Variants in GSG1L2 observed in about 807,000 individuals in gnomAD.
The protein encoded by GSG1L2 is germ cell-specific gene 1-like protein 2.
In GSG1L2, 15 loss-of-function variants were observed where a neutral mutation model predicts 9.0. That is an observed-to-expected ratio of 1.67 (90% CI 1.12 to 2.57). The LOEUF is 2.57. GSG1L2 is among the 30% of genes most tolerant of loss of function. The pLI is 0.00. For synonymous variants in GSG1L2, 127 were observed against 57.9 expected (o/e 2.19, Z -5.41); for missense variants, 286 against 150.3 (o/e 1.90, Z -4.72).
At chr17:9,817,612 A>G (rs2066572963) in intron 1 of GSG1L2, among the ~76,000 whole-genome samples, 2 of 152,042 alleles carry the variant, frequency 1.3e-5, no homozygotes, top group Admixed American at 6.6e-5. Flanking sequence ...TTTAGTAGAC[A>G]TGGGGTTTCA....
intron 4 of GSG1L2, chr17:9,804,817 G>C (rs1230291554): frequency 6.6e-6 from 1 of 152,184 alleles, no homozygotes; most frequent in African/African-American, 2.4e-5. Context: ...CAACAAAGCA[G>C]GGAGGGGAAA....
rs2066498733 is a variant in GSG1L2 at position 9,802,083 on chromosome 17, A to G, written c.*303T>C. 6.6e-6 allele frequency among the ~76,000 whole-genome samples: 1 copy of G among 152,208 alleles called. No individual in the cohort carries two copies. Among genetic ancestry groups the G allele is most frequent in the Non-Finnish European group, 1.5e-5 (1 of 68,042 alleles). ...CAACTTCTCTTCCCTTAGTACTGGCATCCTCCCTGTTTCTTTGGTATCCTT... is the reference window on the plus strand; with the variant it reads ...CAACTTCTCTTCCCTTAGTACTGGCGTCCTCCCTGTTTCTTTGGTATCCTT... On this transcript the variant is annotated 3_prime_UTR_variant, in exon 5 of 5. Transcript: ENST00000399363.
chr17:9,814,818 C>T (rs2066553376), intron 1 of GSG1L2, among the ~76,000 whole-genome samples: 1 of 152,182 alleles, frequency 6.6e-6, no homozygotes, highest in Non-Finnish European at 1.5e-5. Flanking sequence ...TCTCCGCCGG[C>T]CCCCACTCCG....
intron 4 of GSG1L2, chr17:9,805,741 G>A (rs1024582696): frequency 6.6e-6 from 1 of 152,148 alleles, no homozygotes; most frequent in Admixed American, 6.5e-5. Flanking sequence ...CCTGGAACAG[G>A]GCAGGAAGAC....
chr17:9,816,715 G>C (rs930069961), intron 1 of GSG1L2, among the ~76,000 whole-genome samples: 4 of 149,376 alleles, frequency 2.7e-5, no homozygotes, highest in Non-Finnish European at 5.9e-5. Context: ...GTGTCTGTGT[G>C]TATCTGTGTC....
rs916791143 is a variant in GSG1L2, at chr17:9,808,858, G to T, written c.483C>A (p.Ala161=). The change falls in exon 3 of 5, where the codon GCC becomes GCA. Residue 161 remains alanine, a synonymous_variant. Coordinates refer to ENST00000399363, the MANE Select transcript of GSG1L2 (RefSeq NM_001310219.2). ...CCAGCACCATGAAGATGGCTACCAA[G>T]GCATCCACCCTGAGCCAGTGGAACC... ...SPGFHWLRVD[A]LVAIFMVLAG... 1 of 702,896 alleles carries T rather than the reference G, an allele frequency of 1.4e-6. No homozygotes were observed. Among genetic ancestry groups the T allele is most frequent in the Non-Finnish European group, 2.6e-6 (1 of 384,984 alleles). 43.5% of individuals were successfully genotyped at this position (702,896 alleles called of 1,614,324 possible).
chr17:9,809,177 G>A (rs2066528571), intron 2 of GSG1L2, 195 bp from the exon 3 acceptor site: 1 of 578,490 alleles, frequency 1.7e-6, no homozygotes. Flanking sequence ...GACGGTTGTA[G>A]GGATTGCCCG....
chr17:9,808,552 G>T (rs530453796), intron 3 of GSG1L2, among the ~76,000 whole-genome samples: 23 of 152,326 alleles, frequency 1.5e-4, no homozygotes, highest in African/African-American at 4.8e-4. Flanking sequence ...TCAGTGAAGT[G>T]ATGTCAGCTG....
chr17:9,814,232 C>T (rs1219268358), intron 1 of GSG1L2, among the ~76,000 whole-genome samples: 1 of 152,192 alleles, frequency 6.6e-6, no homozygotes, highest in Non-Finnish European at 1.5e-5. Flanking sequence ...CCGCGCCTGG[C>T]CTTTCCACTG....
chr17:9,805,728 G>T (rs1014372386), intron 4 of GSG1L2: 1 of 152,202 alleles, frequency 6.6e-6, no homozygotes, highest in African/African-American at 2.4e-5. Context: ...AGACTGCAAC[G>T]AGCCTGGAAC....
chr17:9,810,616 C>G lies in GSG1L2; in HGVS notation c.313G>C (p.Glu105Gln). Reference protein sequence around the residue: ...SCEESLNGEDEKCRSFRSVVP... With the variant: ...SCEESLNGEDQKCRSFRSVVP... ...ACACTCCGGAAACTCCTACACTTTT[C>G]ATCTGAAAGATAAAGAGAATGCATC... is the stretch of plus-strand genomic sequence containing the variant. The change falls in exon 2 of 5, where the codon GAA becomes CAA. Residue 105 changes from glutamate to glutamine, a missense_variant and splice_region_variant. Physicochemically the swap from Glu to Gln is conservative, Grantham distance 29 (BLOSUM62 2). Coordinates refer to ENST00000399363, the MANE Select transcript of GSG1L2 (RefSeq NM_001310219.2). The G allele has an allele frequency of 1.4e-6, 1 of 703,052 alleles. No homozygotes were observed. Among genetic ancestry groups the G allele is most frequent in the Non-Finnish European group, 2.6e-6 (1 of 385,004 alleles). The allele number at this position is 703,052 out of a possible 1,614,324, so 43.6% of individuals were successfully genotyped here.
chr17:9,821,354 A>G (rs4791370), intron 1 of GSG1L2, among the ~76,000 whole-genome samples: 42,887 of 152,026 alleles, frequency 0.28, 10,941 homozygotes, highest in African/African-American at 0.68. Flanking sequence ...TTGGGTCGGG[A>G]CCACCTTTCA....
chr17:9,816,269 A>G (rs1046124171), intron 1 of GSG1L2, among the ~76,000 whole-genome samples: 1 of 152,262 alleles, frequency 6.6e-6, no homozygotes, highest in Non-Finnish European at 1.5e-5. Context: ...CATGGAGAAC[A>G]CTAACTCTCT....
Position 9,808,892 on chromosome 17 carries a change from C to T in GSG1L2, c.449G>A (p.Arg150His), listed in dbSNP as rs1456511580. ...AILLGSRVSC[R>H]SPGFHWLRVD... ...CCTGAGCCAGTGGAACCCAGGGCTG[C>T]GACAACTCACTCTGGAGCCCAGGAG... is the stretch of plus-strand genomic sequence containing the variant. The change falls in exon 3 of 5, where the codon CGC (arginine) becomes CAC (histidine). Residue 150 changes from arginine to histidine, a missense_variant. Coordinates refer to ENST00000399363, the MANE Select transcript of GSG1L2 (RefSeq NM_001310219.2). 4 of 702,904 alleles carry T rather than the reference C, an allele frequency of 5.7e-6. No individual in the cohort carries two copies. Among genetic ancestry groups the T allele is most frequent in the South Asian group, 3.0e-5 (2 of 67,582 alleles). 43.5% of individuals were successfully genotyped at this position (702,904 alleles called of 1,614,324 possible).
rs150593769 is a variant in GSG1L2, at chr17:9,811,739, C to T, written c.311-1121G>A. 6.9e-3 allele frequency among the ~76,000 whole-genome samples: 1,055 copies of T among 152,328 alleles called. 18 individuals carry two copies. Among genetic ancestry groups the T allele is most frequent in the African/African-American group, 0.024 (978 of 41,566 alleles). Reference sequence around the variant, plus strand: ...TTCAAGGGCCTCTGAGGGAAAGTGACTTGCTCAAGACAGCGTAGGTAGAGG... The same window carrying T: ...TTCAAGGGCCTCTGAGGGAAAGTGATTTGCTCAAGACAGCGTAGGTAGAGG... On this transcript the variant is annotated intron_variant, in intron 1 of 4. Coordinates refer to ENST00000399363, the MANE Select transcript of GSG1L2 (RefSeq NM_001310219.2).
intron 1 of GSG1L2, among the ~76,000 whole-genome samples, chr17:9,816,799 GTA>G (rs2066567148): frequency 6.7e-6 from 1 of 149,498 alleles, no homozygotes; most frequent in African/African-American, 2.5e-5. Flanking sequence ...GCGTATCTGT[GTA>G]TGTGTGTCTG....
chr17:9,808,578 C>A (rs2066525028), intron 3 of GSG1L2, among the ~76,000 whole-genome samples: 1 of 152,132 alleles, frequency 6.6e-6, no homozygotes, highest in African/African-American at 2.4e-5. Context: ...GCCAGGGCAC[C>A]CTCTTCCCTG....
chr17:9,812,291 C>A (rs62066018), intron 1 of GSG1L2, among the ~76,000 whole-genome samples: 2 of 151,906 alleles, frequency 1.3e-5, no homozygotes, highest in East Asian at 1.9e-4. Flanking sequence ...GGAGAGAAAA[C>A]CCCAAGTAAT....
intron 2 of GSG1L2, 116 bp downstream of exon 2, chr17:9,810,455 C>T (rs2066534781): frequency 1.5e-6 from 1 of 659,386 alleles, no homozygotes; most frequent in Non-Finnish European, 2.7e-6. Flanking sequence ...TTGGGCTGGA[C>T]TTCATGGAAA....
Sources: allele counts gnomAD v4.1 joint callset (sites outside exome capture counted in the v4.1 genomes callset), GRCh38; gene constraint gnomAD v4.1.1; transcripts MANE v1.5; gene names NCBI Gene and HGNC (gene_info 2026-07-23, HGNC 2026-07-21).